Variants in ADCY9 observed in about 807,000 individuals in gnomAD.
ADCY9 encodes adenylate cyclase type 9.
In ADCY9, 50 loss-of-function variants were observed where a neutral mutation model predicts 101.5. The ratio of observed to expected loss-of-function variants is 0.49; its 90% CI spans 0.39 to 0.62. The LOEUF (loss-of-function observed/expected upper bound fraction) is 0.62. ADCY9 is among the 20% of genes least tolerant of loss of function. ADCY9 has a pLI of 0.00. For missense variants in ADCY9, 1,662 were observed against 1,800.4 expected (o/e 0.92, Z 1.39); for synonymous variants, 905 against 769.3 (o/e 1.18, Z -2.92).
At chr16:4,019,359 ATGTCCCAGGC>A (rs2141736094) in intron 2 of ADCY9, among the ~76,000 whole-genome samples, 1 of 152,258 alleles carries the variant, frequency 6.6e-6, no homozygotes, top group South Asian at 2.1e-4. Context: ...CCACCCAGGG[ATGTCCCAGGC>A]TGGGCGATTT....
intron 10 of ADCY9, among the ~76,000 whole-genome samples, chr16:3,974,268 T>G (rs952426942): frequency 1.3e-5 from 2 of 152,092 alleles, no homozygotes; most frequent in African/African-American, 4.8e-5. Flanking sequence ...ATGGTCTCCA[T>G]CTCCTGACCT....
intron 2 of ADCY9, among the ~76,000 whole-genome samples, chr16:4,025,202 A>G (rs1332350097): frequency 6.6e-6 from 1 of 152,016 alleles, no homozygotes. Context: ...CGTCTCTATT[A>G]AAAAATATAT....
rs763036251 is a variant in ADCY9 at position 3,963,463 on chromosome 16, G to T, written c.*2312C>A. On this transcript the variant is annotated 3_prime_UTR_variant, in exon 11 of 11. Transcript: ENST00000294016. ...CCCGAGGGGCTTCGTGGCCCAGAGA[G>T]AACGTCTGCACTGGCTGTTTAGGAA... 5.0e-6 allele frequency: 2 copies of T among 397,002 alleles called. No homozygotes were observed. Among genetic ancestry groups the T allele is most frequent in the South Asian group, 1.3e-4 (1 of 7,724 alleles). The allele number at this position is 397,002 out of a possible 1,614,324, so 24.6% of individuals were successfully genotyped here.
chr16:4,071,332 CAAAAAAAA>C (rs530420293), intron 2 of ADCY9, among the ~76,000 whole-genome samples: 6 of 70,524 alleles, frequency 8.5e-5, no homozygotes, highest in African/African-American at 2.2e-4. Context: ...ACTCAGTCTC[CAAAAAAAA>C]AAAAAAAAAA....
rs190635883 is a variant in ADCY9 at position 4,105,024 on chromosome 16, G to A, written c.1693+8726C>T. Among the ~76,000 whole-genome samples the A allele has an allele frequency of 7.3e-5, 11 of 150,238 alleles. No homozygotes were observed. The East Asian group carries it at 7.9e-4, about 11-fold the overall frequency. ...GCAGAGGTTGCAGTAAGCCGAGATC[G>A]TGCCACTGCACTCCAATGTGGGCAA... is the stretch of plus-strand genomic sequence containing the variant. On this transcript the variant is annotated intron_variant, in intron 2 of 10. Transcript: ENST00000294016.
intron 3 of ADCY9, among the ~76,000 whole-genome samples, chr16:3,999,926 A>G (rs1482298891): frequency 6.6e-6 from 1 of 152,226 alleles, no homozygotes; most frequent in African/African-American, 2.4e-5. Flanking sequence ...AAGATAAATC[A>G]TTTCTAAGCC....
rs113915998 is a variant in ADCY9, at chr16:4,050,030, C to CA, written c.1694-42473dup. On this transcript the variant is annotated intron_variant, in intron 2 of 10. Transcript: ENST00000294016. ...TGGGTGACAGAGTGAGACTGTGTCT[C>CA]AAAAAAAAAAAAAGAACTATCCCGA... Among the ~76,000 whole-genome samples the CA allele has an allele frequency of 1.4e-3, 157 of 114,816 alleles. 2 individuals are homozygous for CA. The highest frequency in any genetic ancestry group is 6.4e-3 in the East Asian group (24 of 3,734). The allele number at this position is 114,816 out of a possible 152,430, so 75.3% of individuals were successfully genotyped here.
intron 2 of ADCY9, among the ~76,000 whole-genome samples, chr16:4,022,375 C>T (rs1204386888): frequency 6.6e-6 from 1 of 150,748 alleles, no homozygotes; most frequent in Admixed American, 6.7e-5. Context: ...GCTGTAATCA[C>T]AGTTCCTCAG....
At chr16:3,969,586 ATATAT>A (rs2056031027) in intron 10 of ADCY9, among the ~76,000 whole-genome samples, 1 of 81,764 alleles carries the variant, frequency 1.2e-5, no homozygotes, top group African/African-American at 6.1e-5. Context: ...ATATATATAT[ATATAT>A]ATATATATAT....
At chr16:4,036,441 T>C (rs1276263696) in intron 2 of ADCY9, among the ~76,000 whole-genome samples, 1 of 148,900 alleles carries the variant, frequency 6.7e-6, no homozygotes, top group Non-Finnish European at 1.5e-5. Flanking sequence ...ATACAATACA[T>C]TTTGGTTTTG....
At chr16:3,973,350 G>A (rs1434164363) in intron 10 of ADCY9, among the ~76,000 whole-genome samples, 1 of 152,162 alleles carries the variant, frequency 6.6e-6, no homozygotes, top group African/African-American at 2.4e-5. Context: ...TAGGATTACA[G>A]GTGCCCACCA....
At chr16:4,078,227 A>G (rs1415853110) in intron 2 of ADCY9, among the ~76,000 whole-genome samples, 1 of 152,164 alleles carries the variant, frequency 6.6e-6, no homozygotes, top group Non-Finnish European at 1.5e-5. Flanking sequence ...ACTGCAAGCA[A>G]CTCAAATATT....
In ADCY9 at chr16:3,973,306, C is replaced by G. The variant is rs540757704; in HGVS notation, c.2870+1363G>C. ...CACTGCAACCTCCGCTTCCCAGGTT[C>G]AAGCAATTCTCCTGCCTCAGCCTCC... On this transcript the variant is annotated intron_variant, in intron 10 of 10. Coordinates refer to ENST00000294016, the MANE Select transcript of ADCY9 (RefSeq NM_001116.4). Among the ~76,000 whole-genome samples, 8 of 152,242 alleles carry G rather than the reference C, an allele frequency of 5.3e-5. 2 individuals are homozygous for G. The highest frequency in any genetic ancestry group is 1.9e-4 in the African/African-American group (8 of 41,534).
At chr16:4,035,791 G>A (rs2056584935) in intron 2 of ADCY9, among the ~76,000 whole-genome samples, 1 of 151,978 alleles carries the variant, frequency 6.6e-6, no homozygotes, top group African/African-American at 2.4e-5. Context: ...CTGAGGTCGG[G>A]AGTTTTGAGA....
Position 4,026,425 on chromosome 16 carries a change from CAA to C in ADCY9, c.1694-18869_1694-18868del, listed in dbSNP as rs34756033. On this transcript the variant is annotated intron_variant, in intron 2 of 10. Coordinates refer to ENST00000294016, the MANE Select transcript of ADCY9 (RefSeq NM_001116.4). ...AGCCAACAACAGCAAGACTCCGTCT[CAA>C]AAAAAAAAAAAAAAAAAAAGTTAAT... Among the ~76,000 whole-genome samples the C allele has an allele frequency of 9.8e-3, 958 of 97,710 alleles. 10 individuals are homozygous for C. Among genetic ancestry groups the C allele is most frequent in the African/African-American group, 0.034 (808 of 23,672 alleles). 64.1% of individuals were successfully genotyped at this position (97,710 alleles called of 152,430 possible). A position where few individuals can be genotyped will look rare whatever the true frequency, so the allele number is the denominator to read the frequency against.
At position 4,114,857 on chromosome 16, in the gene ADCY9, T is replaced by C; in HGVS notation, c.586A>G (p.Thr196Ala). ...CTGTCGCCGCGTCCTGAGACAGGCG[T>C]CAAGACCTGGAACTGCGCAGCCAGG... ...LTLAAQFQVLTPVSGRGDSSN... is the reference protein window; with the variant it reads ...LTLAAQFQVLAPVSGRGDSSN... Residue 196 changes from threonine (T) to alanine (A), a missense_variant, in exon 2 of 11, where the codon ACG becomes GCG. Coordinates refer to ENST00000294016, the MANE Select transcript of ADCY9 (RefSeq NM_001116.4). The surrounding 1 kb of genome is among the most constrained non-coding windows in gnomAD (Gnocchi z 4.3). The C allele has an allele frequency of 6.2e-7, 1 of 1,613,536 alleles. No individual in the cohort carries two copies. The highest frequency in any genetic ancestry group is 1.1e-5 in the South Asian group (1 of 91,082).
chr16:4,112,096 A>C (rs1382014515), intron 2 of ADCY9, among the ~76,000 whole-genome samples: 3 of 152,214 alleles, frequency 2.0e-5, no homozygotes, highest in Middle Eastern at 3.2e-3. Flanking sequence ...ACCGTCCCAC[A>C]GTCTCCAAGG....
At chr16:4,018,479 C>T (rs2056453189) in intron 2 of ADCY9, among the ~76,000 whole-genome samples, 1 of 152,182 alleles carries the variant, frequency 6.6e-6, no homozygotes, top group Admixed American at 6.5e-5. Context: ...TCCCAAAGTG[C>T]TGGAATTACA....
chr16:4,100,386 G>A (rs575550073), intron 2 of ADCY9, among the ~76,000 whole-genome samples: 8 of 152,208 alleles, frequency 5.3e-5, no homozygotes, highest in African/African-American at 1.9e-4. Flanking sequence ...CTGGAGTACA[G>A]TGGCGCGATC....
Sources: allele counts gnomAD v4.1 joint callset (sites outside exome capture counted in the v4.1 genomes callset), GRCh38; gene constraint gnomAD v4.1.1; non-coding constraint Gnocchi (gnomAD v3.1); transcripts MANE v1.5; gene names NCBI Gene and HGNC (gene_info 2026-07-23, HGNC 2026-07-21).